TUSC3: variants seen among roughly 807,000 people sequenced by gnomAD.
TUSC3 encodes the protein dolichyl-diphosphooligosaccharide--protein glycosyltransferase subunit TUSC3.
In TUSC3, 45 loss-of-function variants were observed where a neutral mutation model predicts 44.8. That is an observed-to-expected ratio of 1.00 (90% CI 0.79 to 1.29). The LOEUF (loss-of-function observed/expected upper bound fraction) is 1.29. Among genes scored for constraint, TUSC3 ranks in the 50% most tolerant of loss-of-function variants. The probability of loss-of-function intolerance (pLI) is 0.00; values close to 1 mark genes in which losing one functional copy is unlikely to be tolerated. For synonymous variants in TUSC3, 212 were observed against 152.9 expected (o/e 1.39, Z -2.85); for missense variants, 519 against 437.9 (o/e 1.19, Z -1.65).
intron 1 of TUSC3, among the ~76,000 whole-genome samples, chr8:15,433,874 CA>C (rs1488389849): frequency 7.2e-5 from 11 of 152,208 alleles, no homozygotes; most frequent in Non-Finnish European, 8.8e-5. Context: ...TTACAGAAAT[CA>C]AGCTATAAAT....
At chr8:15,538,565 C>T (rs1229211222), upstream of TUSC3, among the ~76,000 whole-genome samples, 1 of 152,142 alleles carries the variant, frequency 6.6e-6, no homozygotes. Context: ...AACAGTGGAA[C>T]CTAGTTGATA....
chr8:15,560,833 G>C (rs199837391), intron 1 of TUSC3, among the ~76,000 whole-genome samples: 1 of 90,452 alleles, frequency 1.1e-5, no homozygotes, highest in African/African-American at 3.9e-5. Flanking sequence ...CGTAGTTCTC[G>C]AGCCTTGGTT....
chr8:15,506,060 A>C (rs1032277614), intron 2 of TUSC3, among the ~76,000 whole-genome samples: 3 of 152,242 alleles, frequency 2.0e-5, no homozygotes, highest in Non-Finnish European at 4.4e-5. Context: ...GAGATTTTGC[A>C]TCAGTGATTG....
intron 1 of TUSC3, among the ~76,000 whole-genome samples, chr8:15,573,554 C>T (rs539499435): frequency 1.3e-5 from 2 of 151,882 alleles, no homozygotes; most frequent in South Asian, 2.1e-4. Flanking sequence ...CTCCTTCCCC[C>T]CTCATCCCTT....
the TUSC3 span, among the ~76,000 whole-genome samples, chr8:15,830,409 T>G: frequency 2.0e-5 from 3 of 152,264 alleles, no homozygotes; most frequent in East Asian, 5.8e-4. Flanking sequence ...GGAATTTTTA[T>G]AGTTTCAGAT....
chr8:15,729,805 G>A (rs1337762986), intron 6 of TUSC3, among the ~76,000 whole-genome samples: 6 of 151,760 alleles, frequency 4.0e-5, no homozygotes, highest in Admixed American at 6.6e-5. Flanking sequence ...ATCAAATTCC[G>A]GCGACATGCA....
intron 6 of TUSC3, among the ~76,000 whole-genome samples, chr8:15,727,193 A>T (rs1810529736): frequency 6.6e-6 from 1 of 152,142 alleles, no homozygotes; most frequent in Non-Finnish European, 1.5e-5. Flanking sequence ...AAAATCGCAG[A>T]CCTAAGGTTA....
intron 6 of TUSC3, among the ~76,000 whole-genome samples, chr8:15,729,490 A>G (rs1215297028): frequency 6.6e-6 from 1 of 152,186 alleles, no homozygotes; most frequent in African/African-American, 2.4e-5. Flanking sequence ...AGTGGACTGG[A>G]TTAAAAAAAT....
At chr8:15,491,095 A>G (rs1194308258) in intron 2 of TUSC3, among the ~76,000 whole-genome samples, 1 of 152,216 alleles carries the variant, frequency 6.6e-6, no homozygotes, top group Non-Finnish European at 1.5e-5. Context: ...TCACAGATGC[A>G]TTTGTCTCGT....
At chr8:15,742,531 ATT>A (rs1339336381) in intron 7 of TUSC3, among the ~76,000 whole-genome samples, 1 of 152,084 alleles carries the variant, frequency 6.6e-6, no homozygotes, top group Non-Finnish European at 1.5e-5. Flanking sequence ...TCTGTGCAGA[ATT>A]TTCTCTGACC....
the TUSC3 span, among the ~76,000 whole-genome samples, chr8:15,833,293 C>CTA: frequency 6.6e-6 from 1 of 152,096 alleles, no homozygotes; most frequent in Non-Finnish European, 1.5e-5. Flanking sequence ...TTGTGGAAAA[C>CTA]AATGTGGCAA....
the TUSC3 span, among the ~76,000 whole-genome samples, chr8:15,819,173 G>A: frequency 1.3e-5 from 2 of 152,012 alleles, no homozygotes; most frequent in African/African-American, 2.4e-5. Context: ...GGATGTTTAC[G>A]TTTGCATGTG....
the TUSC3 span, among the ~76,000 whole-genome samples, chr8:15,794,944 G>T: frequency 2.6e-5 from 4 of 152,062 alleles, no homozygotes; most frequent in African/African-American, 7.2e-5. Flanking sequence ...CCTGTGATGG[G>T]TTATCTCCCA....
chr8:15,680,747 A>AT (rs1213042834), intron 6 of TUSC3, among the ~76,000 whole-genome samples: 1 of 152,052 alleles, frequency 6.6e-6, no homozygotes, highest in Non-Finnish European at 1.5e-5. Context: ...GACTCTTACT[A>AT]TTTTGAAGTA....
intron 1 of TUSC3, among the ~76,000 whole-genome samples, chr8:15,481,473 A>G (rs1344953927): frequency 6.6e-6 from 1 of 152,048 alleles, no homozygotes; most frequent in South Asian, 2.1e-4. Context: ...ACCAAATGCC[A>G]GTTCCTCAAT....
At chr8:15,657,041 C>T (rs1378547312) in intron 3 of TUSC3, among the ~76,000 whole-genome samples, 2 of 152,122 alleles carry the variant, frequency 1.3e-5, no homozygotes, top group Non-Finnish European at 2.9e-5. Context: ...CTTTGACGTC[C>T]CATAGATACC....
chr8:15,599,029 A>G (rs1804176461), intron 1 of TUSC3, among the ~76,000 whole-genome samples: 1 of 151,858 alleles, frequency 6.6e-6, no homozygotes, highest in South Asian at 2.1e-4. Flanking sequence ...ACCATCTTGC[A>G]AAGTGCCTGT....
At chr8:15,491,715 C>T (rs966673512) in intron 2 of TUSC3, among the ~76,000 whole-genome samples, 2 of 152,124 alleles carry the variant, frequency 1.3e-5, no homozygotes, top group South Asian at 2.1e-4. Context: ...CATCTGGGAA[C>T]CTTGTACGAT....
At chr8:15,537,777 G>T (rs1290615921), upstream of TUSC3, among the ~76,000 whole-genome samples, 1 of 152,098 alleles carries the variant, frequency 6.6e-6, no homozygotes, top group East Asian at 1.9e-4. Flanking sequence ...TTACAATAAA[G>T]AAATTACCAC....
Sources: gnomAD v4.1 joint callset for allele counts (sites outside exome capture counted in the v4.1 genomes callset) on GRCh38, gnomAD v4.1.1 for gene constraint, MANE v1.5 for transcripts, NCBI Gene and HGNC (gene_info 2026-07-23, HGNC 2026-07-21) for gene names.